SERTAD1: variants seen among roughly 807,000 people sequenced by gnomAD.
The protein encoded by SERTAD1 is SERTA domain-containing protein 1.
A neutral mutation model predicts 11.7 loss-of-function variants in SERTAD1; 5 were observed. The ratio of observed to expected loss-of-function variants is 0.43; its 90% CI spans 0.22 to 0.90. The LOEUF (loss-of-function observed/expected upper bound fraction) is 0.90. Among genes scored for constraint, SERTAD1 ranks in the 40% least tolerant of loss-of-function variants. The pLI, the probability that SERTAD1 is intolerant of heterozygous loss-of-function variation, is 0.27. For synonymous variants in SERTAD1, 139 were observed against 141.4 expected (o/e 0.98, Z 0.12); for missense variants, 287 against 313.9 (o/e 0.91, Z 0.65).
At position 40,422,780 on chromosome 19, in the gene SERTAD1, T is replaced by C. The variant is rs1349440839; in HGVS notation, c.*56A>G. 10 of 1,498,650 alleles carry C rather than the reference T, an allele frequency of 6.7e-6. No homozygotes were observed. The highest frequency in any genetic ancestry group is 7.1e-6 in the Non-Finnish European group (8 of 1,121,106). The allele number at this position is 1,498,650 out of a possible 1,614,324, so 92.8% of individuals were successfully genotyped here. The stretch of plus-strand genomic sequence containing the variant: ...GCCAGCTGTGTCTTTTCGAGGACAG[T>C]TGGTCCAGCCAGCAGGCTCAGTTCA... On this transcript the variant is annotated 3_prime_UTR_variant, in exon 2 of 2. Transcript: ENST00000357949.
Sources: allele counts gnomAD v4.1 joint callset, GRCh38; gene constraint gnomAD v4.1.1; transcripts MANE v1.5; gene names NCBI Gene and HGNC (gene_info 2026-07-23, HGNC 2026-07-21).